The following STXBP5L variants were observed in gnomAD, a reference collection of about 807,000 sequenced individuals.
STXBP5L encodes the protein syntaxin-binding protein 5-like.
In STXBP5L, 65 loss-of-function variants were observed where a neutral mutation model predicts 144.5. The ratio of observed to expected loss-of-function variants is 0.45; its 90% CI spans 0.37 to 0.55. The LOEUF (loss-of-function observed/expected upper bound fraction) is 0.55, where lower values mean the gene tolerates loss of function less well. Ranked by LOEUF, STXBP5L falls within the 20% of genes least tolerant of loss-of-function variation. STXBP5L has a pLI of 0.00. For synonymous variants in STXBP5L, 505 were observed against 469.6 expected (o/e 1.08, Z -0.97); for missense variants, 1,298 against 1,405.5 (o/e 0.92, Z 1.22).
intron 11 of STXBP5L, among the ~76,000 whole-genome samples, chr3:121,228,021 A>T (rs983024486): frequency 2.6e-5 from 4 of 152,182 alleles, no homozygotes; most frequent in African/African-American, 9.6e-5. Context: ...TTAACTTAAG[A>T]TTTGGGTCCT....
At position 121,091,392 on chromosome 3, in the gene STXBP5L, C is replaced by A. The variant is rs1287093564; in HGVS notation, c.471-23533C>A. Among the ~76,000 whole-genome samples, 11 of 151,174 alleles carry A rather than the reference C, an allele frequency of 7.3e-5. No individual in the cohort carries two copies. The East Asian group carries it at 1.4e-3, about 19-fold the overall frequency. On this transcript the variant is annotated intron_variant, in intron 5 of 26. Transcript: ENST00000471454. ...ATGGTTGAACTAGTTTACAGTCCCA[C>A]CAACAGTGTAAAAGTGTTCCTATTT...
At chr3:120,947,661 TTC>T (rs755520219) in intron 2 of STXBP5L, among the ~76,000 whole-genome samples, 1 of 151,810 alleles carries the variant, frequency 6.6e-6, no homozygotes, top group Non-Finnish European at 1.5e-5. Flanking sequence ...CTAATATAAA[TTC>T]TGTTTCTATA....
intron 5 of STXBP5L, among the ~76,000 whole-genome samples, chr3:121,048,678 C>A (rs1445711523): frequency 1.4e-5 from 2 of 147,486 alleles, no homozygotes; most frequent in African/African-American, 2.5e-5. Flanking sequence ...TCTATCAGAT[C>A]AGTTAGAGTC....
chr3:120,992,412 G>C (rs74280554), intron 3 of STXBP5L, among the ~76,000 whole-genome samples: 13 of 151,870 alleles, frequency 8.6e-5, no homozygotes, highest in Admixed American at 3.3e-4. Flanking sequence ...CTATCTAGTT[G>C]TATATTTGTA....
chr3:121,267,625 C>A (rs1316677877), intron 18 of STXBP5L, among the ~76,000 whole-genome samples: 1 of 152,120 alleles, frequency 6.6e-6, no homozygotes, highest in Admixed American at 6.5e-5. Flanking sequence ...GACCAGGCAA[C>A]CTACACACTG....
At chr3:121,092,477 G>C (rs1376359667) in intron 5 of STXBP5L, among the ~76,000 whole-genome samples, 2 of 152,100 alleles carry the variant, frequency 1.3e-5, no homozygotes, top group Non-Finnish European at 2.9e-5. Context: ...TCCTTGAAGA[G>C]GTCCTTCACG....
At chr3:121,005,273 G>C (rs934302915) in intron 3 of STXBP5L, among the ~76,000 whole-genome samples, 1 of 152,092 alleles carries the variant, frequency 6.6e-6, no homozygotes, top group African/African-American at 2.4e-5. Context: ...TCCTTATTTA[G>C]TCTTGAGAGG....
chr3:120,961,570 A>G (rs1409441798), intron 3 of STXBP5L, among the ~76,000 whole-genome samples: 1 of 152,182 alleles, frequency 6.6e-6, no homozygotes, highest in Non-Finnish European at 1.5e-5. Flanking sequence ...GCTGGTTTCC[A>G]GCTTCATCCA....
intron 3 of STXBP5L, among the ~76,000 whole-genome samples, chr3:121,037,367 C>T (rs551247128): frequency 6.6e-6 from 1 of 151,704 alleles, no homozygotes; most frequent in African/African-American, 2.4e-5. Flanking sequence ...CTTGCCTCAC[C>T]GTCCTTACTA....
At chr3:121,254,251 A>G (rs538420423) in intron 15 of STXBP5L, among the ~76,000 whole-genome samples, 3 of 152,168 alleles carry the variant, frequency 2.0e-5, no homozygotes, top group Non-Finnish European at 4.4e-5. Flanking sequence ...ATGGTCTCCA[A>G]TGGAAAAATA....
intron 20 of STXBP5L, among the ~76,000 whole-genome samples, chr3:121,318,940 A>G (rs1252088875): frequency 6.6e-6 from 1 of 152,206 alleles, no homozygotes; most frequent in African/African-American, 2.4e-5. Flanking sequence ...CCTCTAGACC[A>G]CAGTTTGGAA....
chr3:120,957,178 AT>A (rs1330139161), intron 3 of STXBP5L, among the ~76,000 whole-genome samples: 1 of 151,890 alleles, frequency 6.6e-6, no homozygotes, highest in Admixed American at 6.6e-5. Context: ...CCACTGATCT[AT>A]AGGTATGTTT....
chr3:120,966,150 T>C (rs1559922758), intron 3 of STXBP5L, among the ~76,000 whole-genome samples: 1 of 152,216 alleles, frequency 6.6e-6, no homozygotes, highest in Non-Finnish European at 1.5e-5. Flanking sequence ...AGGTCTTCTA[T>C]ACACTGTTTA....
chr3:120,954,006 T>C (rs1162297512), intron 2 of STXBP5L, among the ~76,000 whole-genome samples: 1 of 152,146 alleles, frequency 6.6e-6, no homozygotes, highest in Non-Finnish European at 1.5e-5. Flanking sequence ...AGAATTATAT[T>C]GTGAACACTC....
intron 3 of STXBP5L, among the ~76,000 whole-genome samples, chr3:121,009,757 G>T (rs1944630518): frequency 6.6e-6 from 1 of 151,778 alleles, no homozygotes; most frequent in African/African-American, 2.4e-5. Context: ...TTGCTATTGT[G>T]CCAACTCTTC....
intron 5 of STXBP5L, among the ~76,000 whole-genome samples, chr3:121,087,736 C>T (rs926018727): frequency 3.3e-5 from 5 of 151,798 alleles, no homozygotes; most frequent in Non-Finnish European, 7.4e-5. Flanking sequence ...TTTGTTATTG[C>T]TCTGCTTTTT....
chr3:121,406,708 G>A (rs1377766756), intron 22 of STXBP5L, among the ~76,000 whole-genome samples: 2 of 151,848 alleles, frequency 1.3e-5, no homozygotes, highest in African/African-American at 4.8e-5. Flanking sequence ...TCCAGATATT[G>A]AAATTTCTTC....
chr3:121,221,985 A>G (rs1448612329), intron 10 of STXBP5L, among the ~76,000 whole-genome samples: 1 of 152,064 alleles, frequency 6.6e-6, no homozygotes, highest in Non-Finnish European at 1.5e-5. Flanking sequence ...GAAATCTTAC[A>G]GAGCGATTTC....
intron 7 of STXBP5L, among the ~76,000 whole-genome samples, chr3:121,122,303 C>T (rs1416115124): frequency 6.6e-6 from 1 of 150,706 alleles, no homozygotes; most frequent in East Asian, 1.9e-4. Flanking sequence ...ATTAGCCTAT[C>T]AAAAATCAAA....
Sources: allele counts gnomAD v4.1 joint callset (sites outside exome capture counted in the v4.1 genomes callset), GRCh38; gene constraint gnomAD v4.1.1; transcripts MANE v1.5; gene names NCBI Gene and HGNC (gene_info 2026-07-23, HGNC 2026-07-21).